The following SCAF8 variants were observed in gnomAD, a reference collection of about 807,000 sequenced individuals.
The protein encoded by SCAF8 is SR-related CTD associated factor 8, also known as SR-related and CTD-associated factor 8.
In SCAF8, 23 loss-of-function variants were observed where a neutral mutation model predicts 140.5. That is an observed-to-expected ratio of 0.16 (90% CI 0.12 to 0.23). The LOEUF (loss-of-function observed/expected upper bound fraction) is 0.23, where lower values mean the gene tolerates loss of function less well. Among genes scored for constraint, SCAF8 ranks in the 10% least tolerant of loss-of-function variants. The pLI, the probability that SCAF8 is intolerant of heterozygous loss-of-function variation, is 1.00. For synonymous variants in SCAF8, 575 were observed against 528.9 expected (o/e 1.09, Z -1.20); for missense variants, 1,397 against 1,555.7 (o/e 0.90, Z 1.72).
intron 12 of SCAF8, among the ~76,000 whole-genome samples, chr6:154,812,337 G>T (rs568817086): frequency 2.8e-5 from 4 of 144,190 alleles, no homozygotes; most frequent in Admixed American, 1.4e-4. Context: ...TAAAATTAGG[G>T]TATGTACATT....
chr6:154,762,633 C>G (rs1055204470), intron 1 of SCAF8, among the ~76,000 whole-genome samples: 5 of 152,126 alleles, frequency 3.3e-5, no homozygotes, highest in Non-Finnish European at 7.3e-5. Context: ...CTATTCTAAC[C>G]AAACCAATGA....
In SCAF8 at chr6:154,733,487, G is replaced by A. The variant is rs1582983511; in HGVS notation, c.-414G>A. ...TCGCCGAGCGGGGCTGGTTCCTGCG[G>A]CCCGAGCGGCGGGGAGGTGAAACAG... is the stretch of plus-strand genomic sequence containing the variant. On this transcript the variant is annotated 5_prime_UTR_variant, in exon 1 of 20. Coordinates refer to ENST00000367178, the MANE Select transcript of SCAF8 (RefSeq NM_014892.5). 4.5e-6 allele frequency: 6 copies of A among 1,330,334 alleles called. No homozygotes were observed. Among genetic ancestry groups the A allele is most frequent in the African/African-American group, 1.5e-5 (1 of 65,248 alleles). 82.4% of individuals were successfully genotyped at this position (1,330,334 alleles called of 1,614,324 possible). A position where few individuals can be genotyped will look rare whatever the true frequency, so the allele number is the denominator to read the frequency against.
chr6:154,786,627 C>G (rs1022112755), intron 3 of SCAF8, among the ~76,000 whole-genome samples: 4 of 152,210 alleles, frequency 2.6e-5, no homozygotes, highest in Non-Finnish European at 5.9e-5. Flanking sequence ...ATGACAAGGA[C>G]AGCTTGAAGG....
Position 154,733,622 on chromosome 6 carries a change from C to T in SCAF8, c.-279C>T, listed in dbSNP as rs1778320138. On this transcript the variant is annotated 5_prime_UTR_variant, in exon 1 of 20. Transcript: ENST00000367178. Reference sequence around the variant, plus strand: ...GAGAAGAGAAGGCGCCGCGGCCCAGCCCCTCCCCCGCCCGCCGCCGACCCG... The same window carrying T: ...GAGAAGAGAAGGCGCCGCGGCCCAGTCCCTCCCCCGCCCGCCGCCGACCCG... 2 of 1,294,976 alleles carry T rather than the reference C, an allele frequency of 1.5e-6. No individual in the cohort carries two copies. The highest frequency in any genetic ancestry group is 2.5e-5 in the South Asian group (1 of 40,664). 80.2% of individuals were successfully genotyped at this position (1,294,976 alleles called of 1,614,324 possible). A position where few individuals can be genotyped will look rare whatever the true frequency, so the allele number is the denominator to read the frequency against.
chr6:154,767,800 A>G (rs1183931638), intron 1 of SCAF8, among the ~76,000 whole-genome samples: 3 of 151,908 alleles, frequency 2.0e-5, no homozygotes, highest in African/African-American at 4.8e-5. Context: ...TGGCCTCCCA[A>G]AGTGCTGGGA....
At chr6:154,747,941 A>G (rs542872891) in intron 1 of SCAF8, among the ~76,000 whole-genome samples, 1 of 134,650 alleles carries the variant, frequency 7.4e-6, no homozygotes, top group Admixed American at 7.4e-5. Flanking sequence ...TGTGTGTACT[A>G]GAAATGCATG....
At chr6:154,805,099 G>A (rs1355853081) in intron 8 of SCAF8, among the ~76,000 whole-genome samples, 1 of 152,080 alleles carries the variant, frequency 6.6e-6, no homozygotes, top group African/African-American at 2.4e-5. Context: ...TAATTTATAT[G>A]TATTTAACAG....
rs1226488157 is a variant in SCAF8 at position 154,802,109 on chromosome 6, A to G, written c.745A>G (p.Thr249Ala). Reference sequence around the variant, plus strand: ...TACAGCTGCAGCTGCAGCTGCCAACACTCTTACTCCCTTAGAACAGGGAGT... The same window carrying G: ...TACAGCTGCAGCTGCAGCTGCCAACGCTCTTACTCCCTTAGAACAGGGAGT... Reference protein sequence around the residue: ...QLTAAAAAANTLTPLEQGVSF... With the variant: ...QLTAAAAAANALTPLEQGVSF... Residue 249 changes from threonine (T) to alanine (A), a missense_variant, in exon 7 of 20, where the codon ACT becomes GCT. Thr to Ala is a moderately conservative substitution (Grantham distance 58). This residue lies in a region of SCAF8 where 339 missense variants were observed against 407.5 expected (regional missense o/e 0.83). Transcript: ENST00000367178. 1 of 1,611,078 alleles carries G rather than the reference A, an allele frequency of 6.2e-7. No homozygotes were observed. The highest frequency in any genetic ancestry group is 8.5e-7 in the Non-Finnish European group (1 of 1,178,602).
chr6:154,802,208 G>A (rs770683147), intron 7 of SCAF8, 61 bp downstream of exon 7: 7 of 986,540 alleles, frequency 7.1e-6, no homozygotes, highest in Non-Finnish European at 8.5e-6. Flanking sequence ...TACTATCATG[G>A]ATTTTAATTC....
At chr6:154,814,080 G>A (rs546153511) in intron 12 of SCAF8, among the ~76,000 whole-genome samples, 3 of 151,692 alleles carry the variant, frequency 2.0e-5, no homozygotes, top group Non-Finnish European at 4.4e-5. Context: ...GCTTGCCTCT[G>A]TAATTCCAGC....
In SCAF8 at chr6:154,774,056, C is replaced by A; in HGVS notation, c.98C>A (p.Ala33Asp). The A allele has an allele frequency of 6.2e-7, 1 of 1,607,804 alleles. No individual in the cohort carries two copies. Among genetic ancestry groups the A allele is most frequent in the Non-Finnish European group, 8.5e-7 (1 of 1,174,488 alleles). Residue 33 changes from alanine to aspartate, a missense_variant, in exon 2 of 20, where the codon GCC (alanine) becomes GAC (aspartate). Coordinates refer to ENST00000367178, the MANE Select transcript of SCAF8 (RefSeq NM_014892.5). ...KAKMTQITKAAIKAIKFYKHV... is the reference protein window; with the variant it reads ...KAKMTQITKADIKAIKFYKHV... ...AAAATGACCCAAATTACTAAGGCAG[C>A]CATCAAAGCTATTAAGGTGAGTAAT...
At chr6:154,746,565 G>A (rs1474585561) in intron 1 of SCAF8, among the ~76,000 whole-genome samples, 3 of 152,120 alleles carry the variant, frequency 2.0e-5, no homozygotes, top group African/African-American at 7.2e-5. Context: ...AAGAACCCTG[G>A]CTTTTGTTAT....
intron 2 of SCAF8, among the ~76,000 whole-genome samples, chr6:154,776,237 G>A (rs1253455128): frequency 1.2e-4 from 18 of 151,644 alleles, no homozygotes; most frequent in Admixed American, 9.2e-4. Flanking sequence ...TTTTTGAAGC[G>A]TCTAGACCAG....
intron 1 of SCAF8, among the ~76,000 whole-genome samples, chr6:154,736,503 C>A (rs1404648284): frequency 6.6e-6 from 1 of 151,938 alleles, no homozygotes. Flanking sequence ...AACTCCTGAC[C>A]TCAGGTGATC....
At chr6:154,766,536 G>C (rs1413574114) in intron 1 of SCAF8, among the ~76,000 whole-genome samples, 1 of 152,002 alleles carries the variant, frequency 6.6e-6, no homozygotes, top group Non-Finnish European at 1.5e-5. Context: ...CTGACCGTCT[G>C]GCACTGGTTT....
chr6:154,752,635 T>C (rs1345253928), intron 1 of SCAF8, among the ~76,000 whole-genome samples: 1 of 152,232 alleles, frequency 6.6e-6, no homozygotes, highest in East Asian at 1.9e-4. Context: ...GTAAAGAATG[T>C]GCTAGATTAT....
chr6:154,787,267 A>G (rs1777282007), intron 3 of SCAF8, among the ~76,000 whole-genome samples: 1 of 152,234 alleles, frequency 6.6e-6, no homozygotes, highest in Admixed American at 6.5e-5. Flanking sequence ...GCTGAGATGG[A>G]AGATCATTTG....
At chr6:154,747,902 G>C (rs999304273) in intron 1 of SCAF8, among the ~76,000 whole-genome samples, 34 of 100,232 alleles carry the variant, frequency 3.4e-4, no homozygotes, top group African/African-American at 6.3e-4. Flanking sequence ...ATTTCTGTGT[G>C]TGTGTGTGTG....
intron 4 of SCAF8, among the ~76,000 whole-genome samples, chr6:154,791,893 GA>G (rs1312686526): frequency 2.0e-5 from 3 of 152,038 alleles, no homozygotes. Flanking sequence ...TCTTTATGAG[GA>G]ATATAAAATT....
Sources: allele counts gnomAD v4.1 joint callset (sites outside exome capture counted in the v4.1 genomes callset), GRCh38; gene constraint gnomAD v4.1.1; regional missense constraint gnomAD v4.1.1; transcripts MANE v1.5; gene names NCBI Gene and HGNC (gene_info 2026-07-23, HGNC 2026-07-21).